Variants in EFNA4 observed in about 807,000 individuals in gnomAD.
EFNA4 encodes ephrin-A4.
A neutral mutation model predicts 23.7 loss-of-function variants in EFNA4; 22 were observed. That is an observed-to-expected ratio of 0.93 (90% CI 0.66 to 1.32). The LOEUF is 1.32. Among genes scored for constraint, EFNA4 ranks in the 40% most tolerant of loss-of-function variants. The pLI, the probability that EFNA4 is intolerant of heterozygous loss-of-function variation, is 0.00. For missense variants in EFNA4, 252 were observed against 252.3 expected, an observed-to-expected ratio of 1.00 and a Z score of 0.01; for synonymous variants, 113 against 108.3, an observed-to-expected ratio of 1.04 and a Z score of -0.27.
chr1:155,063,751 TTG>T lies in EFNA4; in HGVS notation c.-71_-70del, dbSNP rs1662879747. 3.7e-6 allele frequency: 5 copies of T among 1,341,468 alleles called. No individual in the cohort carries two copies. Among genetic ancestry groups the T allele is most frequent in the Non-Finnish European group, 5.0e-6 (5 of 1,008,362 alleles). The allele number at this position is 1,341,468 out of a possible 1,614,324, so 83.1% of individuals were successfully genotyped here. A position where few individuals can be genotyped will look rare whatever the true frequency, so the allele number is the denominator to read the frequency against. Reference sequence around the variant, plus strand: ...CCTTTCCGCAACTTCCCTCTTCACTTTGTACCTTTCTCTCCTCGACTGTGAAG... The same window carrying T: ...CCTTTCCGCAACTTCCCTCTTCACTTTACCTTTCTCTCCTCGACTGTGAAG... On this transcript the variant is annotated 5_prime_UTR_variant, in exon 1 of 4. Coordinates refer to ENST00000368409, the MANE Select transcript of EFNA4 (RefSeq NM_005227.3). This position sits in a 1 kb window ranked among gnomAD's most constrained non-coding sequence, Gnocchi z 4.1.
At chr1:155,064,584 A>G (rs1221055907) in intron 1 of EFNA4, among the ~76,000 whole-genome samples, 2 of 152,174 alleles carry the variant, frequency 1.3e-5, no homozygotes, top group East Asian at 1.9e-4. Flanking sequence ...TGTATGTGAA[A>G]GAGGCTCAGG....
In EFNA4 at chr1:155,068,753, A is replaced by T; in HGVS notation, c.470-100A>T. 7 of 1,275,660 alleles carry T rather than the reference A, an allele frequency of 5.5e-6. No homozygotes were observed. The South Asian group carries it at 9.2e-5, about 17-fold the overall frequency. 79.0% of individuals were successfully genotyped at this position (1,275,660 alleles called of 1,614,324 possible). A position where few individuals can be genotyped will look rare whatever the true frequency, so the allele number is the denominator to read the frequency against. On this transcript the variant is annotated intron_variant, in intron 3 of 3. Coordinates refer to ENST00000368409, the MANE Select transcript of EFNA4 (RefSeq NM_005227.3). Reference sequence around the variant, plus strand: ...GGGAAGGGAGTGGCTGGTTTGGGAGACCCTGGAGGATGGGAAAGGAGGGAA... The same window carrying T: ...GGGAAGGGAGTGGCTGGTTTGGGAGTCCCTGGAGGATGGGAAAGGAGGGAA...
At position 155,066,730 on chromosome 1, in the gene EFNA4, G is replaced by A. The variant is rs1663054146; in HGVS notation, c.114G>A (p.Arg38=). ...GCCCACCCCTGCGTTATGCCTGCAG[G>A]TTGCTTCGAGGAGACGCCGTGGTGG... The part of the protein sequence containing the change: ...HVVYWNSSNP[R]LLRGDAVVEL... Residue 38 remains arginine (R), a splice_region_variant and synonymous_variant, in exon 2 of 4, where the codon AGG becomes AGA. Coordinates refer to ENST00000368409, the MANE Select transcript of EFNA4 (RefSeq NM_005227.3). 6.3e-7 allele frequency: 1 copy of A among 1,585,934 alleles called. No individual in the cohort carries two copies. The highest frequency in any genetic ancestry group is 1.4e-5 in the African/African-American group (1 of 73,732).
chr1:155,069,321 C>A lies in EFNA4; in HGVS notation c.*332C>A. On this transcript the variant is annotated 3_prime_UTR_variant, in exon 4 of 4. Coordinates refer to ENST00000368409, the MANE Select transcript of EFNA4 (RefSeq NM_005227.3). ...TCCTCAAGCCAGCTGGGGGCCCAGG[C>A]TGAAGACCTGGGGACAGGTCGATTG... 3.4e-6 allele frequency: 3 copies of A among 894,858 alleles called. No individual in the cohort carries two copies. Among genetic ancestry groups the A allele is most frequent in the Non-Finnish European group, 4.9e-6 (3 of 618,348 alleles). The allele number at this position is 894,858 out of a possible 1,614,324, so 55.4% of individuals were successfully genotyped here.
chr1:155,064,366 C>T (rs1267702614), intron 1 of EFNA4, among the ~76,000 whole-genome samples: 6 of 152,374 alleles, frequency 3.9e-5, no homozygotes, highest in East Asian at 3.9e-4. Flanking sequence ...ACCTCTGGCT[C>T]TCACTCTGTC....
chr1:155,068,842 C>G lies in EFNA4; in HGVS notation c.470-11C>G. 2 of 1,607,620 alleles carry G rather than the reference C, an allele frequency of 1.2e-6. No homozygotes were observed. The highest frequency in any genetic ancestry group is 1.7e-6 in the Non-Finnish European group (2 of 1,176,564). On this transcript the variant is annotated splice_polypyrimidine_tract_variant and intron_variant, in intron 3 of 3. Transcript: ENST00000368409. ...GGAGGACTGATCAGTGCTACCCCCT[C>G]CCCCTCACAGAGTCTGAGTCAGCCC... is the stretch of plus-strand genomic sequence containing the variant.
Position 155,063,855 on chromosome 1 carries a change from T to C in EFNA4, c.32T>C (p.Leu11Pro). MRLLPLLRTV[L>P]WAAFLGSPLR... ...CTGCTGCCCCTGCTGCGGACTGTCC[T>C]CTGGGCCGCGTTCCTCGGCTCCCCT... Residue 11 changes from leucine to proline, a missense_variant, in exon 1 of 4, where the codon CTC (leucine) becomes CCC (proline). Transcript: ENST00000368409. This position sits in a 1 kb window ranked among gnomAD's most constrained non-coding sequence, Gnocchi z 4.1. 1 of 1,550,586 alleles carries C rather than the reference T, an allele frequency of 6.4e-7. No individual in the cohort carries two copies. The highest frequency in any genetic ancestry group is 8.7e-7 in the Non-Finnish European group (1 of 1,148,876).
chr1:155,066,626 G>A, intron 1 of EFNA4, 104 bp from the exon 2 acceptor site: 1 of 1,391,380 alleles, frequency 7.2e-7, no homozygotes, highest in South Asian at 1.5e-5. Flanking sequence ...GCACATGGGT[G>A]GAGGAGAGGC....
At position 155,066,853 on chromosome 1, in the gene EFNA4, C is replaced by T. The variant is rs774979817; in HGVS notation, c.237C>T (p.Asp79=). 335 of 1,613,956 alleles carry T rather than the reference C, an allele frequency of 2.1e-4. No individual in the cohort carries two copies. Among genetic ancestry groups the T allele is most frequent in the Non-Finnish European group, 2.7e-4 (324 of 1,180,042 alleles). The change falls in exon 2 of 4, where the codon GAC becomes GAT. Residue 79 remains aspartate, a synonymous_variant. Coordinates refer to ENST00000368409, the MANE Select transcript of EFNA4 (RefSeq NM_005227.3). ...AGACGTTTGCTTTGTACATGGTGGA[C>T]TGGCCAGGCTATGAGTCCTGCCAGG... ...GPETFALYMV[D]WPGYESCQAE... is the part of the protein sequence containing the mutation.
chr1:155,067,146 G>T (rs1663072563), intron 2 of EFNA4, 130 bp downstream of exon 2: 1 of 1,226,152 alleles, frequency 8.2e-7, no homozygotes, highest in Non-Finnish European at 1.1e-6. Flanking sequence ...CTGAACTCAG[G>T]ACTGAGGAGG....
rs1017969863 is a variant in EFNA4, at chr1:155,069,006, C to G, written c.*17C>G. On this transcript the variant is annotated 3_prime_UTR_variant, in exon 4 of 4. Coordinates refer to ENST00000368409, the MANE Select transcript of EFNA4 (RefSeq NM_005227.3). ...ATTCTGTGAGCCAAGCAGACCTTCC[C>G]TCTCATCCCAAGGAGCCAGAGTCCT... 4 of 1,613,454 alleles carry G rather than the reference C, an allele frequency of 2.5e-6. No homozygotes were observed. The highest frequency in any genetic ancestry group is 2.7e-5 in the African/African-American group (2 of 74,894).
In EFNA4 at chr1:155,069,085, A is replaced by G. The variant is rs1571655799; in HGVS notation, c.*96A>G. Reference sequence around the variant, plus strand: ...CCTGCTGCCTGCACTGGGGGTGCCAATTCAGACCGACAAGATGGAGCATTG... The same window carrying G: ...CCTGCTGCCTGCACTGGGGGTGCCAGTTCAGACCGACAAGATGGAGCATTG... On this transcript the variant is annotated 3_prime_UTR_variant, in exon 4 of 4. Coordinates refer to ENST00000368409, the MANE Select transcript of EFNA4 (RefSeq NM_005227.3). 5.0e-6 allele frequency: 8 copies of G among 1,611,156 alleles called. No homozygotes were observed. Among genetic ancestry groups the G allele is most frequent in the Non-Finnish European group, 6.8e-6 (8 of 1,179,034 alleles).
At chr1:155,064,908 G>A (rs1662968744) in intron 1 of EFNA4, among the ~76,000 whole-genome samples, 1 of 152,190 alleles carries the variant, frequency 6.6e-6, no homozygotes, top group Non-Finnish European at 1.5e-5. Flanking sequence ...GGCGCAGGCA[G>A]GAGAGCCTGC....
In EFNA4 at chr1:155,068,914, G is replaced by T. The variant is rs766881827; in HGVS notation, c.531G>T (p.Gly177=). The part of the protein sequence containing the change: ...PGESGTSGWR[G]GDTPSPLCLL... The stretch of plus-strand genomic sequence containing the variant: ...AGAGTGGCACATCAGGGTGGCGAGG[G>T]GGGGACACTCCCAGCCCCCTCTGTC... The change falls in exon 4 of 4, where the codon GGG becomes GGT. Residue 177 remains glycine (G), a synonymous_variant. Transcript: ENST00000368409. 3 of 1,613,944 alleles carry T rather than the reference G, an allele frequency of 1.9e-6. No individual in the cohort carries two copies. The highest frequency in any genetic ancestry group is 2.2e-5 in the East Asian group (1 of 44,894).
chr1:155,068,911 A>T lies in EFNA4; in HGVS notation c.528A>T (p.Arg176=), dbSNP rs1558141034. ...SPGESGTSGW[R]GGDTPSPLCL... ...GAGAGAGTGGCACATCAGGGTGGCG[A>T]GGGGGGGACACTCCCAGCCCCCTCT... The change falls in exon 4 of 4, where the codon CGA becomes CGT. Residue 176 remains arginine, a synonymous_variant. Transcript: ENST00000368409. The T allele has an allele frequency of 3.1e-6, 5 of 1,613,684 alleles. No individual in the cohort carries two copies. Among genetic ancestry groups the T allele is most frequent in the Non-Finnish European group, 4.2e-6 (5 of 1,179,890 alleles).
chr1:155,069,267 C>T lies in EFNA4; in HGVS notation c.*278C>T, dbSNP rs1663125800. ...GCTCTGAGGGTCTCAGCCCATCCCC[C>T]AGGAGGACTGGGATTTGGTATGATC... On this transcript the variant is annotated 3_prime_UTR_variant, in exon 4 of 4. Transcript: ENST00000368409. 1 of 1,384,638 alleles carries T rather than the reference C, an allele frequency of 7.2e-7. No individual in the cohort carries two copies. Among genetic ancestry groups the T allele is most frequent in the Non-Finnish European group, 9.6e-7 (1 of 1,039,612 alleles). The allele number at this position is 1,384,638 out of a possible 1,614,324, so 85.8% of individuals were successfully genotyped here. A position where few individuals can be genotyped will look rare whatever the true frequency, so the allele number is the denominator to read the frequency against.
chr1:155,069,199 A>G lies in EFNA4; in HGVS notation c.*210A>G. On this transcript the variant is annotated 3_prime_UTR_variant, in exon 4 of 4. Transcript: ENST00000368409. ...AGAAGAGCAGTAGACAGCCCTGGAC[A>G]CTCTGAAGCAGAGGCAAGACAAACA... The G allele has an allele frequency of 6.4e-7, 1 of 1,572,520 alleles. No individual in the cohort carries two copies. Among genetic ancestry groups the G allele is most frequent in the Non-Finnish European group, 8.6e-7 (1 of 1,167,986 alleles).
chr1:155,064,015 T>C, intron 1 of EFNA4, 79 bp downstream of exon 1: 10 of 1,054,624 alleles, frequency 9.5e-6, no homozygotes, highest in Non-Finnish European at 1.1e-5. Context: ...ACCCGCTCTT[T>C]GCGCGGCGCC....
rs1663122196 is a variant in EFNA4 at position 155,069,103 on chromosome 1, G to C, written c.*114G>C. Reference sequence around the variant, plus strand: ...GGTGCCAATTCAGACCGACAAGATGGAGCATTGATGGGGGAGATCAGAGGG... The same window carrying C: ...GGTGCCAATTCAGACCGACAAGATGCAGCATTGATGGGGGAGATCAGAGGG... On this transcript the variant is annotated 3_prime_UTR_variant, in exon 4 of 4. Coordinates refer to ENST00000368409, the MANE Select transcript of EFNA4 (RefSeq NM_005227.3). 17 of 1,611,026 alleles carry C rather than the reference G, an allele frequency of 1.1e-5. No individual in the cohort carries two copies. Among genetic ancestry groups the C allele is most frequent in the Non-Finnish European group, 1.4e-5 (16 of 1,179,098 alleles).
Sources: gnomAD v4.1 joint callset for allele counts (sites outside exome capture counted in the v4.1 genomes callset) on GRCh38, gnomAD v4.1.1 for gene constraint, Gnocchi (gnomAD v3.1) non-coding constraint, MANE v1.5 for transcripts, NCBI Gene and HGNC (gene_info 2026-07-23, HGNC 2026-07-21) for gene names.